The following COL18A1 variants were observed in gnomAD, a reference collection of about 807,000 sequenced individuals.
COL18A1 encodes collagen type XVIII alpha 1 chain, also known as collagen alpha-1(XVIII) chain.
In COL18A1, 133 loss-of-function variants were observed where a neutral mutation model predicts 168.0. That is an observed-to-expected ratio of 0.79 (90% CI 0.69 to 0.91). The LOEUF (loss-of-function observed/expected upper bound fraction) is 0.91. Ranked by LOEUF, COL18A1 falls within the 40% of genes least tolerant of loss-of-function variation. The pLI is 0.00. For synonymous variants in COL18A1, 949 were observed against 809.0 expected (o/e 1.17, Z -2.94); for missense variants, 2,126 against 1,925.4 (o/e 1.10, Z -1.95).
intron 2 of COL18A1, among the ~76,000 whole-genome samples, chr21:45,421,926 C>A (rs1263485094): frequency 6.6e-6 from 1 of 152,182 alleles, no homozygotes; most frequent in African/African-American, 2.4e-5. Flanking sequence ...CAGCTTGCAA[C>A]CCTCCATTCC....
At chr21:45,496,069 G>GCCATGCCCT (rs1026365186) in intron 29 of COL18A1, 15 of 344,530 alleles carry the variant, frequency 4.4e-5, no homozygotes, top group East Asian at 2.3e-4. Flanking sequence ...ATGGGCCTGG[G>GCCATGCCCT]CCATGCCCTC....
chr21:45,450,449 C>G (rs961605003), intron 2 of COL18A1, among the ~76,000 whole-genome samples: 1 of 152,224 alleles, frequency 6.6e-6, no homozygotes, highest in South Asian at 2.1e-4. Flanking sequence ...TTGAACAGCC[C>G]GGAGCCTCAA....
intron 2 of COL18A1, among the ~76,000 whole-genome samples, chr21:45,413,321 C>T (rs1343594089): frequency 2.0e-5 from 3 of 152,244 alleles, no homozygotes; most frequent in East Asian, 3.8e-4. Context: ...CCTCCAGCCG[C>T]GCTACGTGTC....
chr21:45,438,156 G>A (rs2145806649), intron 2 of COL18A1, among the ~76,000 whole-genome samples: 1 of 76,454 alleles, frequency 1.3e-5, no homozygotes, highest in African/African-American at 6.3e-5. Flanking sequence ...TCAGACACAG[G>A]CACTCTCCTG....
At chr21:45,501,730 C>CCGGAGCAGGG (rs2036847860) in intron 32 of COL18A1, among the ~76,000 whole-genome samples, 1 of 129,604 alleles carries the variant, frequency 7.7e-6, no homozygotes, top group Non-Finnish European at 1.7e-5. Context: ...GCAGAAGGAC[C>CCGGAGCAGGG]CCCAGGGGCT....
At chr21:45,446,606 C>CT (rs1569293720) in intron 2 of COL18A1, among the ~76,000 whole-genome samples, 1 of 152,218 alleles carries the variant, frequency 6.6e-6, no homozygotes, top group Non-Finnish European at 1.5e-5. Context: ...CTCACAAACT[C>CT]TTTCAAAAGA....
chr21:45,419,506 TTCGG>T (rs1299849199), intron 2 of COL18A1, among the ~76,000 whole-genome samples: 5 of 152,184 alleles, frequency 3.3e-5, no homozygotes, highest in African/African-American at 1.2e-4. Context: ...CCCATCACTG[TTCGG>T]GCCCTGGGGT....
intron 2 of COL18A1, among the ~76,000 whole-genome samples, chr21:45,450,061 G>T (rs892116674): frequency 4.6e-5 from 7 of 152,220 alleles, no homozygotes; most frequent in African/African-American, 1.4e-4. Flanking sequence ...ACCTTGACTG[G>T]CTGTGCCTGC....
chr21:45,428,678 G>T (rs2033873482), intron 2 of COL18A1, among the ~76,000 whole-genome samples: 1 of 152,084 alleles, frequency 6.6e-6, no homozygotes, highest in South Asian at 2.1e-4. Context: ...TGGATCGGCG[G>T]TTCTGGACGT....
rs993495641 is a variant in COL18A1 at position 45,443,429 on chromosome 21, C to T, written c.107-24813C>T. ...TTGAAAGGCCGCCCGTGCCTTTCCTCCTTGGCCCTCACAGCCCAGCTCGGC... is the reference window on the plus strand; with the variant it reads ...TTGAAAGGCCGCCCGTGCCTTTCCTTCTTGGCCCTCACAGCCCAGCTCGGC... On this transcript the variant is annotated intron_variant, in intron 2 of 41. Coordinates refer to ENST00000651438, the MANE Select transcript of COL18A1 (RefSeq NM_001379500.1). The surrounding 1 kb of genome is among the most constrained non-coding windows in gnomAD (Gnocchi z 5.2). 5.3e-5 allele frequency among the ~76,000 whole-genome samples: 8 copies of T among 152,132 alleles called. No individual in the cohort carries two copies. The highest frequency in any genetic ancestry group is 1.9e-4 in the African/African-American group (8 of 41,412).
intron 37 of COL18A1, chr21:45,506,948 G>GTAGAT: frequency 8.0e-6 from 2 of 251,086 alleles, no homozygotes; most frequent in Non-Finnish European, 1.6e-5. Flanking sequence ...CTGAGCTGGT[G>GTAGAT]CCCACTGTGT....
intron 22 of COL18A1, among the ~76,000 whole-genome samples, chr21:45,492,235 C>A (rs558158727): frequency 6.6e-6 from 1 of 152,182 alleles, no homozygotes; most frequent in African/African-American, 2.4e-5. Flanking sequence ...AGAAAAGCCT[C>A]CCGTAGGCCG....
At chr21:45,485,149 ATTTTTTT>A (rs751718038) in intron 15 of COL18A1, among the ~76,000 whole-genome samples, 14 of 55,082 alleles carry the variant, frequency 2.5e-4, no homozygotes, top group Admixed American at 5.2e-4. Context: ...CACCTGGCTA[ATTTTTTT>A]TTTTTTTTTT....
chr21:45,478,284 A>G lies in COL18A1; in HGVS notation c.1222-43A>G, dbSNP rs368474822. On this transcript the variant is annotated intron_variant, in intron 8 of 41. Transcript: ENST00000651438. ...ATGTAGACACTGTAGGTGGCGCCGG[A>G]GGAGTCATTTCCCATCACTAATGGC... 11 of 1,613,568 alleles carry G rather than the reference A, an allele frequency of 6.8e-6. No individual in the cohort carries two copies. The African/African-American group carries it at 1.5e-4, about 22-fold the overall frequency.
chr21:45,493,381 C>A, intron 25 of COL18A1, 120 bp from the exon 26 acceptor site: 1 of 1,288,976 alleles, frequency 7.8e-7, no homozygotes, highest in Non-Finnish European at 1.1e-6. Flanking sequence ...CTGTGGTCAC[C>A]TCCCGTGAAA....
chr21:45,508,472 T>C (rs2037378437), intron 38 of COL18A1, among the ~76,000 whole-genome samples: 1 of 147,946 alleles, frequency 6.8e-6, no homozygotes, highest in African/African-American at 2.6e-5. Context: ...GATGGACAGG[T>C]GGGTGAGTGG....
At chr21:45,469,220 C>T (rs539998206) in intron 3 of COL18A1, among the ~76,000 whole-genome samples, 18 of 152,342 alleles carry the variant, frequency 1.2e-4, no homozygotes, top group Admixed American at 7.2e-4. Context: ...GGCCTCTGAC[C>T]GGCCGGTCGG....
intron 2 of COL18A1, among the ~76,000 whole-genome samples, chr21:45,444,548 G>A (rs1188849023): frequency 6.6e-6 from 1 of 152,144 alleles, no homozygotes; most frequent in African/African-American, 2.4e-5. Flanking sequence ...GTTCCACAGT[G>A]CTGTGGACAG....
chr21:45,499,565 C>G lies in COL18A1; in HGVS notation c.2683+1904C>G, dbSNP rs376511148. 1.1e-4 allele frequency among the ~76,000 whole-genome samples: 16 copies of G among 151,798 alleles called. No homozygotes were observed. The East Asian group carries it at 1.2e-3, about 11-fold the overall frequency. On this transcript the variant is annotated intron_variant, in intron 32 of 41. Transcript: ENST00000651438. ...TGGGGTCAGAGGCTCCCTCGGGAAC[C>G]CGCGTGGGCTGCCCCGCATGGCATC...
Sources: allele counts gnomAD v4.1 joint callset (sites outside exome capture counted in the v4.1 genomes callset), GRCh38; gene constraint gnomAD v4.1.1; non-coding constraint Gnocchi (gnomAD v3.1); transcripts MANE v1.5; gene names NCBI Gene and HGNC (gene_info 2026-07-23, HGNC 2026-07-21).